NEK11: variants seen among roughly 807,000 people sequenced by gnomAD.
NEK11 encodes the protein serine/threonine-protein kinase Nek11.
Under a neutral mutation model 80.7 loss-of-function variants are expected in NEK11, and 72 were observed. The observed-to-expected ratio is 0.89, with a 90% confidence interval of 0.74 to 1.08. NEK11 has a LOEUF of 1.08. Ranked by LOEUF, NEK11 falls within the 50% of genes least tolerant of loss-of-function variation. The pLI is 0.00. For missense variants in NEK11, 764 were observed against 763.6 expected, an observed-to-expected ratio of 1.00 and a Z score of -0.01; for synonymous variants, 251 against 260.7, an observed-to-expected ratio of 0.96 and a Z score of 0.36.
intron 14 of NEK11, among the ~76,000 whole-genome samples, chr3:131,183,645 A>G (rs1197712816): frequency 1.3e-5 from 2 of 152,204 alleles, no homozygotes; most frequent in East Asian, 3.8e-4. Context: ...ATAGTATTCC[A>G]TGGTGTATAT....
chr3:131,199,560 G>T (rs1191187093), intron 14 of NEK11, among the ~76,000 whole-genome samples: 3 of 150,454 alleles, frequency 2.0e-5, no homozygotes, highest in African/African-American at 7.3e-5. Flanking sequence ...AATATCATAT[G>T]TAAAGAACTC....
chr3:131,224,166 G>A (rs1348164296), intron 14 of NEK11, among the ~76,000 whole-genome samples: 1 of 152,002 alleles, frequency 6.6e-6, no homozygotes, highest in Non-Finnish European at 1.5e-5. Context: ...ATATAAAAGT[G>A]TAATGCATAT....
intron 3 of NEK11, among the ~76,000 whole-genome samples, chr3:131,074,308 T>C (rs113202465): frequency 6.6e-6 from 1 of 151,910 alleles, no homozygotes; most frequent in Admixed American, 6.6e-5. Flanking sequence ...TTGGAAAAAA[T>C]GGGGAATAAA....
At chr3:131,337,431 C>T (rs2097204230) in intron 17 of NEK11, among the ~76,000 whole-genome samples, 1 of 149,534 alleles carries the variant, frequency 6.7e-6, no homozygotes, top group Admixed American at 6.7e-5. Flanking sequence ...CACATGGACA[C>T]AGGAAGGGGA....
At chr3:131,333,493 G>C (rs2097129783) in intron 17 of NEK11, among the ~76,000 whole-genome samples, 1 of 152,146 alleles carries the variant, frequency 6.6e-6, no homozygotes, top group Admixed American at 6.5e-5. Context: ...GGAACAACCG[G>C]TACCAGCCAC....
intron 17 of NEK11, among the ~76,000 whole-genome samples, chr3:131,305,128 A>G (rs2096709433): frequency 6.6e-6 from 1 of 151,604 alleles, no homozygotes; most frequent in Non-Finnish European, 1.5e-5. Flanking sequence ...GTACGCTCAC[A>G]CCAGCAGAAG....
At chr3:131,183,698 G>T (rs2093472962) in intron 14 of NEK11, among the ~76,000 whole-genome samples, 1 of 152,114 alleles carries the variant, frequency 6.6e-6, no homozygotes, top group African/African-American at 2.4e-5. Flanking sequence ...ATGGACATTT[G>T]GGTTGATTCC....
chr3:131,132,639 GT>G, intron 5 of NEK11, 105 bp from the exon 6 acceptor site: 1 of 616,588 alleles, frequency 1.6e-6, no homozygotes, highest in South Asian at 2.0e-5. Context: ...ATCTATGGGA[GT>G]ATATATTTAT....
chr3:131,129,530 T>G (rs112776341), intron 5 of NEK11, among the ~76,000 whole-genome samples: 1 of 152,362 alleles, frequency 6.6e-6, no homozygotes, highest in African/African-American at 2.4e-5. Context: ...ATCACCAAAC[T>G]TAAAATCATC....
chr3:131,207,911 A>G (rs1291154673), intron 14 of NEK11, among the ~76,000 whole-genome samples: 1 of 152,200 alleles, frequency 6.6e-6, no homozygotes, highest in African/African-American at 2.4e-5. Context: ...CCCATTCTGT[A>G]GGTTGCCTGT....
chr3:131,203,979 G>A (rs779161845), intron 14 of NEK11, among the ~76,000 whole-genome samples: 6 of 151,684 alleles, frequency 4.0e-5, no homozygotes, highest in Non-Finnish European at 7.4e-5. Flanking sequence ...ATTCTAGAGA[G>A]GGTCCTGTTT....
At chr3:131,264,999 G>C (rs1387259209) in intron 16 of NEK11, among the ~76,000 whole-genome samples, 1 of 152,126 alleles carries the variant, frequency 6.6e-6, no homozygotes, top group East Asian at 1.9e-4. Context: ...GTTCACTCAT[G>C]ATTTGGTTCT....
chr3:131,028,002 TG>T lies in NEK11; in HGVS notation c.-97+1del, dbSNP rs2064159735. On this transcript the variant is annotated splice_donor_variant, in intron 2 of 17. Coordinates refer to ENST00000383366, the MANE Select transcript of NEK11 (RefSeq NM_024800.5). LOFTEE classifies it low-confidence loss of function (5UTR_SPLICE). ...AAGGACCCTTTTCAGCTGGAAAGTC[TG>T]TAAGTCCATATATTTATTTGAACAG... 6.6e-6 allele frequency: 1 copy of T among 152,242 alleles called. No individual in the cohort carries two copies. Among genetic ancestry groups the T allele is most frequent in the Non-Finnish European group, 1.5e-5 (1 of 68,042 alleles). The allele number at this position is 152,242 out of a possible 1,614,324, so 9.4% of individuals were successfully genotyped here. A position where few individuals can be genotyped will look rare whatever the true frequency, so the allele number is the denominator to read the frequency against.
At chr3:131,101,201 T>G (rs2078312985) in intron 4 of NEK11, among the ~76,000 whole-genome samples, 1 of 152,154 alleles carries the variant, frequency 6.6e-6, no homozygotes, top group Non-Finnish European at 1.5e-5. Context: ...TCACTGACCT[T>G]TTGTATAGAT....
chr3:131,322,125 G>C (rs187212980), intron 17 of NEK11, among the ~76,000 whole-genome samples: 2 of 152,322 alleles, frequency 1.3e-5, no homozygotes, highest in East Asian at 1.9e-4. Context: ...TAAAGAAAAT[G>C]TGGTAAATAT....
At chr3:131,263,143 C>T (rs573287698) in intron 16 of NEK11, among the ~76,000 whole-genome samples, 11 of 151,800 alleles carry the variant, frequency 7.2e-5, no homozygotes, top group Admixed American at 1.3e-4. Context: ...CCCATTAACT[C>T]GTCATTTACA....
intron 16 of NEK11, among the ~76,000 whole-genome samples, chr3:131,259,758 T>C (rs2095879166): frequency 6.6e-6 from 1 of 152,030 alleles, no homozygotes. Flanking sequence ...GGGGCATGAT[T>C]TGGGGGAAGG....
intron 7 of NEK11, among the ~76,000 whole-genome samples, chr3:131,135,643 C>T (rs1447094930): frequency 2.6e-5 from 4 of 151,860 alleles, no homozygotes; most frequent in Non-Finnish European, 5.9e-5. Context: ...CAATTATATA[C>T]CTATATATCT....
intron 14 of NEK11, among the ~76,000 whole-genome samples, chr3:131,193,590 T>G (rs1379667716): frequency 6.6e-6 from 1 of 152,178 alleles, no homozygotes; most frequent in Non-Finnish European, 1.5e-5. Context: ...AAGCCCTACT[T>G]TATTTGAATT....
Sources: allele counts gnomAD v4.1 joint callset (sites outside exome capture counted in the v4.1 genomes callset), GRCh38; gene constraint gnomAD v4.1.1; transcripts MANE v1.5; gene names NCBI Gene and HGNC (gene_info 2026-07-23, HGNC 2026-07-21).